CHD9: variants seen among roughly 807,000 people sequenced by gnomAD.
CHD9 encodes ATP-dependent chromatin remodeler CHD9.
CHD9 carries 77 observed loss-of-function variants against 316.1 expected under a neutral mutation model. The ratio of observed to expected loss-of-function variants is 0.24; its 90% CI spans 0.20 to 0.29. CHD9 has a LOEUF of 0.29. Ranked by LOEUF, CHD9 falls within the 10% of genes least tolerant of loss-of-function variation. The pLI is 1.00. For synonymous variants in CHD9, 1,129 were observed against 1,158.3 expected, an observed-to-expected ratio of 0.97 and a Z score of 0.51; for missense variants, 2,763 against 3,438.1, an observed-to-expected ratio of 0.80 and a Z score of 4.91.
chr16:53,132,845 G>T (rs1445070899), intron 1 of CHD9, among the ~76,000 whole-genome samples: 1 of 113,726 alleles, frequency 8.8e-6, no homozygotes, highest in Non-Finnish European at 1.6e-5. Context: ...GTCTCGCTCT[G>T]TCACCCAGGC....
chr16:53,286,092 C>G, intron 25 of CHD9, 134 bp from the exon 26 acceptor site: 3 of 546,684 alleles, frequency 5.5e-6, no homozygotes, highest in Non-Finnish European at 9.8e-6. Context: ...AGAAAACATA[C>G]TTAACCTATA....
chr16:53,100,486 T>C (rs2036769724), intron 1 of CHD9, among the ~76,000 whole-genome samples: 1 of 136,878 alleles, frequency 7.3e-6, no homozygotes, highest in African/African-American at 2.5e-5. Context: ...AGACAGGGTC[T>C]TGCTCTGTTG....
At chr16:53,081,067 T>A (rs2034974946) in intron 1 of CHD9, among the ~76,000 whole-genome samples, 1 of 152,150 alleles carries the variant, frequency 6.6e-6, no homozygotes, top group African/African-American at 2.4e-5. Context: ...ACTCCAGTCT[T>A]CCCCCTTTTG....
intron 1 of CHD9, among the ~76,000 whole-genome samples, chr16:53,085,681 AC>A (rs2035405635): frequency 6.6e-6 from 1 of 152,202 alleles, no homozygotes; most frequent in African/African-American, 2.4e-5. Flanking sequence ...CATGCCCGTG[AC>A]TTTTCTTTTT....
At position 53,195,122 on chromosome 16, in the gene CHD9, A is replaced by G. The variant is rs139939593; in HGVS notation, c.1453-14360A>G. 8.5e-5 allele frequency among the ~76,000 whole-genome samples: 13 copies of G among 152,326 alleles called. No individual in the cohort carries two copies. The East Asian group carries it at 2.1e-3, about 25-fold the overall frequency. On this transcript the variant is annotated intron_variant, in intron 2 of 38. Coordinates refer to ENST00000447540, the MANE Select transcript of CHD9 (RefSeq NM_001308319.2). ...AAATTAAAAGTGAACAATTTGATCA[A>G]TTTTCAGACATTAAACATCATCCAT...
intron 34 of CHD9, chr16:53,311,643 T>C (rs1008949635): frequency 6.6e-6 from 1 of 152,224 alleles, no homozygotes; most frequent in African/African-American, 2.4e-5. Context: ...GTAATTTCAT[T>C]AATGAAGGAG....
In CHD9 at chr16:53,316,304, C is replaced by T. The variant is rs565118286; in HGVS notation, c.7584+1260C>T. Among the ~76,000 whole-genome samples, 28 of 152,194 alleles carry T rather than the reference C, an allele frequency of 1.8e-4. No individual in the cohort carries two copies. In the South Asian group the frequency reaches 5.8e-3, roughly 32 times the overall value. On this transcript the variant is annotated intron_variant, in intron 36 of 38. Transcript: ENST00000447540. ...AGATAACATTCATTTATTCAGTTAACAATTTTTTATTGAGGGATTACTATG... is the reference window on the plus strand; with the variant it reads ...AGATAACATTCATTTATTCAGTTAATAATTTTTTATTGAGGGATTACTATG...
intron 2 of CHD9, among the ~76,000 whole-genome samples, chr16:53,162,028 G>A (rs1003152195): frequency 6.6e-6 from 1 of 152,196 alleles, no homozygotes; most frequent in African/African-American, 2.4e-5. Context: ...GGGATTACAG[G>A]TGTGAGCCAC....
intron 1 of CHD9, among the ~76,000 whole-genome samples, chr16:53,078,338 G>A (rs911098516): frequency 1.3e-5 from 2 of 152,262 alleles, no homozygotes; most frequent in Admixed American, 6.5e-5. Context: ...ACAGGAAGGG[G>A]TTAGTTATCT....
chr16:53,286,479 G>C, intron 26 of CHD9, 136 bp downstream of exon 26: 1 of 585,658 alleles, frequency 1.7e-6, no homozygotes, highest in Non-Finnish European at 3.1e-6. Context: ...AAGAGCTAAA[G>C]ATACCCTAAT....
chr16:53,137,655 T>C (rs528392347), intron 1 of CHD9, among the ~76,000 whole-genome samples: 58 of 152,328 alleles, frequency 3.8e-4, no homozygotes, highest in African/African-American at 1.4e-3. Context: ...TATTTGATGA[T>C]GAATAGCTAT....
chr16:53,167,692 T>C (rs935859633), intron 2 of CHD9, among the ~76,000 whole-genome samples: 1 of 152,102 alleles, frequency 6.6e-6, no homozygotes, highest in Admixed American at 6.6e-5. Context: ...TAATATAGTG[T>C]ATATCATATA....
At chr16:53,304,690 TTTC>T (rs1436764958) in intron 31 of CHD9, 65 bp downstream of exon 31, 12 of 984,912 alleles carry the variant, frequency 1.2e-5, no homozygotes, top group Middle Eastern at 6.4e-4. Context: ...TTTCTTTTCT[TTTC>T]TTTTTTTTTT....
At position 53,209,248 on chromosome 16, in the gene CHD9, T is replaced by C. The variant is rs191447260; in HGVS notation, c.1453-234T>C. Among the ~76,000 whole-genome samples, 35 of 152,354 alleles carry C rather than the reference T, an allele frequency of 2.3e-4. No individual in the cohort carries two copies. In the East Asian group the frequency reaches 2.3e-3, roughly 10 times the overall value. The stretch of plus-strand genomic sequence containing the variant: ...ACTAACCAAGAATGCTATGAAAATA[T>C]CAATGAATCTATATTATTCTTCTTT... On this transcript the variant is annotated intron_variant, in intron 2 of 38. Coordinates refer to ENST00000447540, the MANE Select transcript of CHD9 (RefSeq NM_001308319.2).
At chr16:53,066,839 T>C (rs1346594985) in intron 1 of CHD9, among the ~76,000 whole-genome samples, 1 of 152,154 alleles carries the variant, frequency 6.6e-6, no homozygotes, top group East Asian at 1.9e-4. Context: ...AGGAATTTGT[T>C]TTTGAAAGAC....
At chr16:53,315,731 A>C (rs780837498) in intron 36 of CHD9, among the ~76,000 whole-genome samples, 1 of 152,140 alleles carries the variant, frequency 6.6e-6, no homozygotes, top group Non-Finnish European at 1.5e-5. Context: ...CCGCCTGCTC[A>C]GCCTCCCAAA....
At chr16:53,060,910 G>A (rs1463416163) in intron 1 of CHD9, among the ~76,000 whole-genome samples, 4 of 146,222 alleles carry the variant, frequency 2.7e-5, no homozygotes, top group African/African-American at 1.0e-4. Context: ...GACAGGGCAA[G>A]ATGTTGTCTC....
Position 53,254,540 on chromosome 16 carries a change from T to C in CHD9, c.3964T>C (p.Leu1322=). 1.2e-6 allele frequency: 2 copies of C among 1,613,090 alleles called. No homozygotes were observed. The highest frequency in any genetic ancestry group is 1.1e-5 in the South Asian group (1 of 90,816). The change falls in exon 18 of 39, where the codon TTG becomes CTG. Residue 1322 remains leucine, a synonymous_variant. Coordinates refer to ENST00000447540, the MANE Select transcript of CHD9 (RefSeq NM_001308319.2). ...GAGAGAGATGTTTGACCGAGCCAGT[T>C]TGAAACTGGGCCTAGATAAAGCTGT... ...YEREMFDRAS[L]KLGLDKAVLQ... is the part of the protein sequence containing the mutation.
intron 2 of CHD9, among the ~76,000 whole-genome samples, chr16:53,208,967 G>A (rs1282846054): frequency 6.6e-6 from 1 of 152,126 alleles, no homozygotes; most frequent in Non-Finnish European, 1.5e-5. Flanking sequence ...GTATGAGAAT[G>A]TCTGTTTACT....
Sources: gnomAD v4.1 joint callset for allele counts (sites outside exome capture counted in the v4.1 genomes callset) on GRCh38, gnomAD v4.1.1 for gene constraint, MANE v1.5 for transcripts, NCBI Gene and HGNC (gene_info 2026-07-23, HGNC 2026-07-21) for gene names.